PKIB: variants seen among roughly 807,000 people sequenced by gnomAD.
The protein encoded by PKIB is cAMP-dependent protein kinase inhibitor beta.
A neutral mutation model predicts 4.5 loss-of-function variants in PKIB; 2 were observed. That is an observed-to-expected ratio of 0.44 (90% CI 0.18 to 1.39). The LOEUF (loss-of-function observed/expected upper bound fraction) is 1.39, where lower values mean the gene tolerates loss of function less well. Among genes scored for constraint, PKIB ranks in the 40% most tolerant of loss-of-function variants. The pLI, the probability that PKIB is intolerant of heterozygous loss-of-function variation, is 0.27. For missense variants in PKIB, 94 were observed against 92.6 expected (o/e 1.02, Z -0.06); for synonymous variants, 38 against 36.0 (o/e 1.06, Z -0.20).
intron 2 of PKIB, among the ~76,000 whole-genome samples, chr6:122,503,241 T>C (rs907122667): frequency 1.3e-5 from 2 of 152,218 alleles, no homozygotes; most frequent in African/African-American, 2.4e-5. Context: ...GAACATTCAG[T>C]ACATAACAGG....
chr6:122,594,975 G>A (rs1562263468), intron 3 of PKIB, among the ~76,000 whole-genome samples: 1 of 152,198 alleles, frequency 6.6e-6, no homozygotes, highest in Non-Finnish European at 1.5e-5. Context: ...ACCCCAAAGT[G>A]TCCAGGTGGC....
intron 2 of PKIB, among the ~76,000 whole-genome samples, chr6:122,662,174 G>T (rs1777015338): frequency 6.6e-6 from 1 of 151,392 alleles, no homozygotes; most frequent in African/African-American, 2.4e-5. Context: ...GTGTCATTTG[G>T]TGCACAAAGG....
intron 2 of PKIB, among the ~76,000 whole-genome samples, chr6:122,562,457 A>G (rs1773064399): frequency 1.3e-5 from 2 of 152,008 alleles, no homozygotes; most frequent in African/African-American, 2.4e-5. Context: ...TTTGTGATGA[A>G]TTTTCCAGGT....
intron 2 of PKIB, chr6:122,481,319 G>A (rs1250355985): frequency 6.6e-6 from 1 of 152,128 alleles, no homozygotes; most frequent in East Asian, 1.9e-4. Context: ...AAAATGTCTA[G>A]GTCATGAAAG....
chr6:122,574,564 T>C (rs1281944658), intron 2 of PKIB, among the ~76,000 whole-genome samples: 1 of 152,076 alleles, frequency 6.6e-6, no homozygotes, highest in African/African-American at 2.4e-5. Context: ...AAAATAGGCA[T>C]ATAGACCAAT....
chr6:122,603,348 T>A (rs182715034), intron 3 of PKIB, among the ~76,000 whole-genome samples: 5 of 152,342 alleles, frequency 3.3e-5, no homozygotes, highest in African/African-American at 9.6e-5. Flanking sequence ...GGATTTCCCA[T>A]GTTAGAAGTT....
intron 1 of PKIB, among the ~76,000 whole-genome samples, chr6:122,628,866 T>C (rs904207443): frequency 6.6e-6 from 1 of 152,174 alleles, no homozygotes; most frequent in Non-Finnish European, 1.5e-5. Context: ...ACTTTCACCT[T>C]ATCTCCCTTA....
chr6:122,574,700 G>C (rs1291342685), intron 2 of PKIB, among the ~76,000 whole-genome samples: 1 of 151,912 alleles, frequency 6.6e-6, no homozygotes, highest in Non-Finnish European at 1.5e-5. Context: ...AGCCACATGT[G>C]GAAGAATGAA....
At chr6:122,542,578 G>A (rs569149820) in intron 2 of PKIB, among the ~76,000 whole-genome samples, 19 of 152,170 alleles carry the variant, frequency 1.2e-4, no homozygotes, top group African/African-American at 3.9e-4. Flanking sequence ...TCCTCTGGAA[G>A]TTTTGTCTCA....
chr6:122,553,236 C>T (rs1353119379), intron 2 of PKIB, among the ~76,000 whole-genome samples: 1 of 152,076 alleles, frequency 6.6e-6, no homozygotes, highest in Non-Finnish European at 1.5e-5. Context: ...CTCCTAACCT[C>T]TAAATACTCA....
At chr6:122,686,673 T>C (rs981121272) in intron 3 of PKIB, among the ~76,000 whole-genome samples, 2 of 151,910 alleles carry the variant, frequency 1.3e-5, no homozygotes, top group Non-Finnish European at 2.9e-5. Context: ...ACTTCTTTAA[T>C]TTCTGTAAAG....
intron 2 of PKIB, among the ~76,000 whole-genome samples, chr6:122,528,445 A>G (rs1324435203): frequency 6.6e-6 from 1 of 152,174 alleles, no homozygotes; most frequent in East Asian, 1.9e-4. Context: ...CATTTCTCAC[A>G]GTTCTGGAGG....
At chr6:122,599,727 G>C (rs1582726379) in intron 3 of PKIB, among the ~76,000 whole-genome samples, 3 of 152,136 alleles carry the variant, frequency 2.0e-5, no homozygotes, top group Non-Finnish European at 4.4e-5. Context: ...CAGTGAATCA[G>C]GAGTGTCAAA....
rs1280006375 is a variant in PKIB, at chr6:122,526,977, T to G, written c.-248+49038T>G. Among the ~76,000 whole-genome samples, 4 of 152,332 alleles carry G rather than the reference T, an allele frequency of 2.6e-5. No homozygotes were observed. In the East Asian group the frequency reaches 7.7e-4, roughly 29 times the overall value. ...AACCACCTGAATTAATGATCTTGGC[T>G]ACGTCTTCTGGATAACTTGCTACAG... is the stretch of plus-strand genomic sequence containing the variant. On this transcript the variant is annotated intron_variant, in intron 2 of 6. Transcript: ENST00000392491.
intron 3 of PKIB, among the ~76,000 whole-genome samples, chr6:122,696,555 A>C (rs1399909601): frequency 6.6e-6 from 1 of 152,246 alleles, no homozygotes; most frequent in African/African-American, 2.4e-5. Context: ...AGCAATGGTC[A>C]AGAGAAGTGC....
At chr6:122,506,793 G>A (rs868358248) in intron 2 of PKIB, among the ~76,000 whole-genome samples, 8 of 145,274 alleles carry the variant, frequency 5.5e-5, no homozygotes, top group Non-Finnish European at 7.4e-5. Context: ...TCCGCCTCCC[G>A]GGTTCACGCC....
At chr6:122,545,479 G>A (rs1772466101) in intron 2 of PKIB, among the ~76,000 whole-genome samples, 1 of 151,714 alleles carries the variant, frequency 6.6e-6, no homozygotes, top group South Asian at 2.1e-4. Flanking sequence ...TACATGTATA[G>A]GTTTGTTATG....
At chr6:122,587,561 C>T (rs1027847901) in intron 3 of PKIB, among the ~76,000 whole-genome samples, 18 of 152,174 alleles carry the variant, frequency 1.2e-4, no homozygotes, top group Admixed American at 7.9e-4. Flanking sequence ...ATGGCTGGGT[C>T]GAATGGTATT....
chr6:122,688,824 AGGCTGGAGTGCAGT>A (rs1778199631), intron 3 of PKIB, among the ~76,000 whole-genome samples: 4 of 145,506 alleles, frequency 2.7e-5, no homozygotes, highest in African/African-American at 7.7e-5. Context: ...TCTGTCGCCC[AGGCTGGAGTGCAGT>A]GGCGCGATCT....
Sources: gnomAD v4.1 joint callset for allele counts (sites outside exome capture counted in the v4.1 genomes callset) on GRCh38, gnomAD v4.1.1 for gene constraint, MANE v1.5 for transcripts, NCBI Gene and HGNC (gene_info 2026-07-23, HGNC 2026-07-21) for gene names.